PSG6: variants seen among roughly 807,000 people sequenced by gnomAD.
The protein encoded by PSG6 is pregnancy specific beta-1-glycoprotein 6, also known as pregnancy-specific beta-1-glycoprotein 6.
Under a neutral mutation model 43.3 loss-of-function variants are expected in PSG6, and 51 were observed. That is an observed-to-expected ratio of 1.18 (90% confidence interval 0.94 to 1.49). The LOEUF (loss-of-function observed/expected upper bound fraction) is 1.49, where lower values mean the gene tolerates loss of function less well. Among genes scored for constraint, PSG6 ranks in the 40% most tolerant of loss-of-function variants. The pLI is 0.00. For synonymous variants in PSG6, 292 were observed against 197.6 expected (o/e 1.48, Z -4.01); for missense variants, 770 against 522.2 (o/e 1.47, Z -4.62).
chr19:42,905,750 AAATTAC>A (rs1289579691), intron 5 of PSG6, among the ~76,000 whole-genome samples: 1 of 151,744 alleles, frequency 6.6e-6, no homozygotes, highest in Non-Finnish European at 1.5e-5. Flanking sequence ...ACAAGGAAGA[AAATTAC>A]AATACATCGT....
At chr19:42,907,369 G>C (rs1395465849) in intron 4 of PSG6, among the ~76,000 whole-genome samples, 193 bp from the exon 5 acceptor site, 5 of 151,880 alleles carry the variant, frequency 3.3e-5, no homozygotes, top group East Asian at 1.9e-4. Flanking sequence ...GGCCCCTAGT[G>C]TCCCATGACA....
chr19:42,912,853 TA>T (rs1972253064), intron 2 of PSG6, among the ~76,000 whole-genome samples: 2 of 151,646 alleles, frequency 1.3e-5, no homozygotes, highest in African/African-American at 2.4e-5. Context: ...GCACAGGCAG[TA>T]AAACCATGAG....
At chr19:42,916,041 G>A in intron 2 of PSG6, 84 bp downstream of exon 2, 6 of 1,588,102 alleles carry the variant, frequency 3.8e-6, no homozygotes, top group South Asian at 2.3e-5. Context: ...GACACAGGCA[G>A]AGTCCAGGCC....
rs752235821 is a variant in PSG6 at position 42,917,893 on chromosome 19, C to T, written c.-101G>A. ...GTGTGCTGTCCTTCCTCCTTCTGTG[C>T]TGAGCCTCTTCCCAGGGCAGAAGCA... On this transcript the variant is annotated 5_prime_UTR_variant, in exon 1 of 6. Transcript: ENST00000187910. The T allele has an allele frequency of 1.1e-4, 156 of 1,467,990 alleles. 4 individuals are homozygous for T. The Middle Eastern group carries it at 1.3e-3, about 12-fold the overall frequency. The allele number at this position is 1,467,990 out of a possible 1,614,324, so 90.9% of individuals were successfully genotyped here.
At chr19:42,914,515 C>T (rs1972286252) in intron 2 of PSG6, among the ~76,000 whole-genome samples, 1 of 143,312 alleles carries the variant, frequency 7.0e-6, no homozygotes, top group Non-Finnish European at 1.5e-5. Context: ...CCAGGTGCCC[C>T]CAGCTCCACA....
chr19:42,915,950 C>T (rs1258190687), intron 2 of PSG6, 175 bp downstream of exon 2: 2 of 1,059,046 alleles, frequency 1.9e-6, no homozygotes, highest in Admixed American at 2.3e-5. Context: ...GAAAGGAATT[C>T]TGATCTGTTG....
rs781734220 is a variant in PSG6 at position 42,916,206 on chromosome 19, C to T, written c.346G>A (p.Ala116Thr). 6.8e-6 allele frequency: 11 copies of T among 1,612,140 alleles called. 1 individual carries two copies. The highest frequency in any genetic ancestry group is 6.6e-5 in the South Asian group (6 of 90,638). Residue 116 changes from alanine (A) to threonine (T), a missense_variant, in exon 2 of 6, where the codon GCA becomes ACA. By Grantham distance (58) the Ala-to-Thr change is moderately conservative. Coordinates refer to ENST00000187910, the MANE Select transcript of PSG6 (RefSeq NM_001031850.4). ...ATGATGTGTAAGGTGTAGGATCCTG[C>T]ATCCTCCTGTGTGACATTCTGGATC... is the stretch of plus-strand genomic sequence containing the variant. Reference protein sequence around the residue: ...LLIQNVTQEDAGSYTLHIIKR... With the variant: ...LLIQNVTQEDTGSYTLHIIKR...
chr19:42,917,695 C>T (rs774479249), intron 1 of PSG6, 34 bp downstream of exon 1: 3 of 1,606,238 alleles, frequency 1.9e-6, no homozygotes, highest in Admixed American at 3.3e-5. Context: ...TCTGCTTCCT[C>T]CTCCTGTCCT....
rs531317587 is a variant in PSG6, at chr19:42,907,754, G to T, written c.807C>A (p.Thr269=). The T allele has an allele frequency of 6.2e-7, 1 of 1,610,828 alleles. No individual in the cohort carries two copies. The highest frequency in any genetic ancestry group is 1.1e-5 in the South Asian group (1 of 90,754). ...FTCEPKSRNY[T]YIWWLNGQSL... is the part of the protein sequence containing the mutation. ...TCTGACCATTTAGCCACCAAATGTA[G>T]GTGTAGTTCCGACTCTTAGGTTCAC... The change falls in exon 4 of 6, where the codon ACC becomes ACA. Residue 269 remains threonine, a synonymous_variant. Coordinates refer to ENST00000187910, the MANE Select transcript of PSG6 (RefSeq NM_001031850.4).
chr19:42,904,041 C>CA (rs1269702673), intron 5 of PSG6, among the ~76,000 whole-genome samples: 2 of 151,684 alleles, frequency 1.3e-5, no homozygotes, highest in Non-Finnish European at 2.9e-5. Context: ...TAGAAACACA[C>CA]AAAAATATGA....
rs1485589743 is a variant in PSG6 at position 42,910,875 on chromosome 19, G to A, written c.428-17C>T. 1.3e-6 allele frequency: 2 copies of A among 1,594,626 alleles called. No individual in the cohort carries two copies. The highest frequency in any genetic ancestry group is 1.7e-6 in the Non-Finnish European group (2 of 1,170,072). On this transcript the variant is annotated splice_polypyrimidine_tract_variant and intron_variant, in intron 2 of 5. Transcript: ENST00000187910. ...GAGTCTCCGCTGTGCAGAAAACAGA[G>A]AGAAGATTGCCCTGTGTGGCACCTT...
chr19:42,909,263 G>C (rs547220064), intron 3 of PSG6, among the ~76,000 whole-genome samples: 12 of 151,448 alleles, frequency 7.9e-5, no homozygotes, highest in Admixed American at 2.0e-4. Context: ...GAATTCCATA[G>C]TGGCCATGCT....
rs1479685559 is a variant in PSG6 at position 42,917,837 on chromosome 19, G to A, written c.-45C>T. On this transcript the variant is annotated 5_prime_UTR_variant, in exon 1 of 6. Coordinates refer to ENST00000187910, the MANE Select transcript of PSG6 (RefSeq NM_001031850.4). ...TTCTCCCCTGTGGAGATGAGCCTAG[G>A]ATCCAGAGACTTCCTGAGCAGGGCT... The A allele has an allele frequency of 1.1e-5, 18 of 1,592,776 alleles. 1 individual carries two copies. The highest frequency in any genetic ancestry group is 1.7e-5 in the Admixed American group (1 of 58,596).
Position 42,910,873 on chromosome 19 carries a change from G to A in PSG6, c.428-15C>T, listed in dbSNP as rs1029253457. ...GGGAGTCTCCGCTGTGCAGAAAACA[G>A]AGAGAAGATTGCCCTGTGTGGCACC... On this transcript the variant is annotated splice_polypyrimidine_tract_variant and intron_variant, in intron 2 of 5. Transcript: ENST00000187910. 2.5e-6 allele frequency: 4 copies of A among 1,595,818 alleles called. No individual in the cohort carries two copies. Among genetic ancestry groups the A allele is most frequent in the Non-Finnish European group, 3.4e-6 (4 of 1,170,668 alleles).
At chr19:42,909,395 A>G (rs1332535636) in intron 3 of PSG6, among the ~76,000 whole-genome samples, 1 of 151,580 alleles carries the variant, frequency 6.6e-6, no homozygotes, top group East Asian at 1.9e-4. Flanking sequence ...TGTGGCAGTC[A>G]TTAAGAAGAG....
intron 4 of PSG6, 67 bp from the exon 5 acceptor site, chr19:42,907,243 A>G: frequency 1.3e-6 from 2 of 1,569,812 alleles, no homozygotes; most frequent in Non-Finnish European, 1.7e-6. Flanking sequence ...TGGTCTCTTA[A>G]AGGGACACAG....
At chr19:42,903,579 A>G in intron 5 of PSG6, 2 of 1,400,706 alleles carry the variant, frequency 1.4e-6, no homozygotes, top group Non-Finnish European at 1.9e-6. Flanking sequence ...GAGAAAAGAT[A>G]AAATTACTCA....
chr19:42,909,157 C>G (rs1469318650), intron 3 of PSG6, among the ~76,000 whole-genome samples: 1 of 151,660 alleles, frequency 6.6e-6, no homozygotes, highest in African/African-American at 2.4e-5. Context: ...TTTTCAGCAT[C>G]AGATTAGTAG....
chr19:42,914,346 C>T (rs1972282527), intron 2 of PSG6, among the ~76,000 whole-genome samples: 1 of 151,072 alleles, frequency 6.6e-6, no homozygotes. Context: ...GAGGGAGTGT[C>T]TGGGGAAGGC....
Sources: gnomAD v4.1 joint callset for allele counts (sites outside exome capture counted in the v4.1 genomes callset) on GRCh38, gnomAD v4.1.1 for gene constraint, MANE v1.5 for transcripts, NCBI Gene and HGNC (gene_info 2026-07-23, HGNC 2026-07-21) for gene names.